Variants in RAP1GAP2 observed in about 807,000 individuals in gnomAD.
RAP1GAP2 encodes RAP1 GTPase activating protein 2, also known as rap1 GTPase-activating protein 2.
RAP1GAP2 carries 27 observed loss-of-function variants against 95.0 expected under a neutral mutation model. That is an observed-to-expected ratio of 0.28 (90% CI 0.21 to 0.39). The LOEUF (loss-of-function observed/expected upper bound fraction) is 0.39. Among genes scored for constraint, RAP1GAP2 ranks in the 10% least tolerant of loss-of-function variants. The pLI, the probability that RAP1GAP2 is intolerant of heterozygous loss-of-function variation, is 1.00. For synonymous variants in RAP1GAP2, 373 were observed against 380.9 expected (o/e 0.98, Z 0.24); for missense variants, 771 against 970.0 (o/e 0.79, Z 2.72).
At chr17:2,984,274 G>A (rs2045475042) in intron 10 of RAP1GAP2, among the ~76,000 whole-genome samples, 1 of 152,120 alleles carries the variant, frequency 6.6e-6, no homozygotes, top group Non-Finnish European at 1.5e-5. Flanking sequence ...CTTGAACCCG[G>A]GAGGCGGAGG....
At chr17:2,837,817 A>G (rs113865319) in intron 2 of RAP1GAP2, among the ~76,000 whole-genome samples, 23,624 of 151,376 alleles carry the variant, frequency 0.16, 2,002 homozygotes, top group Middle Eastern at 0.19. Flanking sequence ...CGTGTTAGCC[A>G]GGATGGTCTC....
chr17:2,981,327 C>A, intron 10 of RAP1GAP2, 79 bp downstream of exon 10: 4 of 1,347,974 alleles, frequency 3.0e-6, no homozygotes, highest in Non-Finnish European at 4.1e-6. Context: ...TTGGGGAGTT[C>A]TCTGCATCAT....
At chr17:2,782,486 C>G (rs764358770) in intron 1 of RAP1GAP2, among the ~76,000 whole-genome samples, 4 of 152,206 alleles carry the variant, frequency 2.6e-5, no homozygotes, top group Non-Finnish European at 4.4e-5. Context: ...TACCTTCATA[C>G]TCTTCCCCAG....
intron 2 of RAP1GAP2, among the ~76,000 whole-genome samples, chr17:2,892,499 G>A (rs1171722617): frequency 1.3e-5 from 2 of 152,142 alleles, no homozygotes; most frequent in African/African-American, 4.8e-5. Flanking sequence ...CACTGGGGCT[G>A]TATGTCCGGG....
intron 10 of RAP1GAP2, among the ~76,000 whole-genome samples, chr17:2,981,767 C>G (rs371830805): frequency 6.6e-6 from 1 of 152,170 alleles, no homozygotes; most frequent in East Asian, 1.9e-4. Flanking sequence ...TTGAATTGGC[C>G]TGATACTGAC....
At chr17:2,915,245 T>C (rs1434234652) in intron 3 of RAP1GAP2, among the ~76,000 whole-genome samples, 1 of 152,040 alleles carries the variant, frequency 6.6e-6, no homozygotes, top group African/African-American at 2.4e-5. Flanking sequence ...GTTTTTATTT[T>C]TTGGATACAA....
chr17:2,926,100 C>T (rs958837751), intron 3 of RAP1GAP2, among the ~76,000 whole-genome samples: 14 of 145,252 alleles, frequency 9.6e-5, no homozygotes, highest in South Asian at 2.2e-4. Flanking sequence ...AGATCATGCC[C>T]GGGCAACACA....
At chr17:2,793,256 C>T (rs1412620976), upstream of RAP1GAP2, among the ~76,000 whole-genome samples, 4 of 151,672 alleles carry the variant, frequency 2.6e-5, no homozygotes, top group African/African-American at 9.7e-5. Flanking sequence ...CAGGTTCAAG[C>T]GATTCTCCTG....
rs1273713650 is a variant in RAP1GAP2 at position 3,027,029 on chromosome 17, G to A, written c.2066G>A (p.Gly689Glu). The A allele has an allele frequency of 1.9e-6, 3 of 1,574,250 alleles. No individual in the cohort carries two copies. The highest frequency in any genetic ancestry group is 2.6e-6 in the Non-Finnish European group (3 of 1,160,310). ...PSPSSESPSLGAAATPIIMSR... is the reference protein window; with the variant it reads ...PSPSSESPSLEAAATPIIMSR... ...CCGAGCAGCGAGAGCCCCAGCCTGG[G>A]GGCAGCTGCCACCCCGATCATCATG... The change falls in exon 22 of 25, where the codon GGG (glycine) becomes GAG (glutamate). Residue 689 changes from glycine to glutamate, a missense_variant. Gly to Glu is a moderately conservative substitution (Grantham distance 98). Coordinates refer to ENST00000254695, the MANE Select transcript of RAP1GAP2 (RefSeq NM_015085.5). The surrounding 1 kb of genome is among the most constrained non-coding windows in gnomAD (Gnocchi z 5.2).
intron 2 of RAP1GAP2, among the ~76,000 whole-genome samples, chr17:2,839,846 C>T (rs2071293382): frequency 6.6e-6 from 1 of 152,132 alleles, no homozygotes; most frequent in South Asian, 2.1e-4. Context: ...GTTGCCCAGG[C>T]TGGAGTGCAA....
intron 22 of RAP1GAP2, among the ~76,000 whole-genome samples, chr17:3,028,508 G>T (rs2047196726): frequency 6.6e-6 from 1 of 152,250 alleles, no homozygotes; most frequent in East Asian, 1.9e-4. Flanking sequence ...CACAGGAAGG[G>T]CCAACAGGCC....
chr17:2,759,516 C>A (rs1008066344), intron 1 of RAP1GAP2, among the ~76,000 whole-genome samples: 1 of 152,022 alleles, frequency 6.6e-6, no homozygotes, highest in South Asian at 2.1e-4. Context: ...AATGGTACAA[C>A]CTCAGCTCAC....
At chr17:2,810,617 G>A (rs1320023150) in intron 2 of RAP1GAP2, among the ~76,000 whole-genome samples, 1 of 131,044 alleles carries the variant, frequency 7.6e-6, no homozygotes, top group African/African-American at 2.9e-5. Flanking sequence ...TGCAACCTCT[G>A]CCTCCCAGGT....
Position 2,927,320 on chromosome 17 carries a change from AT to A in RAP1GAP2, c.165+21958del, listed in dbSNP as rs1309902430. 9.2e-5 allele frequency among the ~76,000 whole-genome samples: 14 copies of A among 151,892 alleles called. 1 individual carries two copies. Among genetic ancestry groups the A allele is most frequent in the Middle Eastern group, 3.4e-3 (1 of 292 alleles). On this transcript the variant is annotated intron_variant, in intron 3 of 24. Coordinates refer to ENST00000254695, the MANE Select transcript of RAP1GAP2 (RefSeq NM_015085.5). Reference sequence around the variant, plus strand: ...AGGCACCCGCCACCGCGCCCGGCTAATTTTTTGTATTTTTAGTAGAGACGGG... The same window carrying A: ...AGGCACCCGCCACCGCGCCCGGCTAATTTTTGTATTTTTAGTAGAGACGGG...
chr17:2,873,305 CAAAA>C lies in RAP1GAP2; in HGVS notation c.81-31962_81-31959del, dbSNP rs377575894. On this transcript the variant is annotated intron_variant, in intron 2 of 24. Transcript: ENST00000254695. ...TGAAACCCTATCTCTACCAAAAATA[CAAAA>C]AAAAAAAAAAAAAAAATTAGCCGGT... is the stretch of plus-strand genomic sequence containing the variant. 1.9e-3 allele frequency among the ~76,000 whole-genome samples: 186 copies of C among 95,548 alleles called. 2 individuals are homozygous for C. The highest frequency in any genetic ancestry group is 6.2e-3 in the African/African-American group (153 of 24,520). 62.7% of individuals were successfully genotyped at this position (95,548 alleles called of 152,430 possible). A position where few individuals can be genotyped will look rare whatever the true frequency, so the allele number is the denominator to read the frequency against.
intron 8 of RAP1GAP2, among the ~76,000 whole-genome samples, chr17:2,977,965 A>G (rs2045199609): frequency 1.3e-5 from 2 of 152,082 alleles, no homozygotes. Context: ...GATGCCCAAA[A>G]TGTCAGATAG....
intron 1 of RAP1GAP2, among the ~76,000 whole-genome samples, chr17:2,756,170 T>A (rs570175214): frequency 2.4e-3 from 359 of 152,352 alleles, no homozygotes; most frequent in South Asian, 7.2e-3. Context: ...GGCAGGGCTC[T>A]GGACTTGGGC....
At chr17:2,879,441 C>T (rs28549997) in intron 2 of RAP1GAP2, among the ~76,000 whole-genome samples, 15 of 152,140 alleles carry the variant, frequency 9.9e-5, no homozygotes, top group Non-Finnish European at 5.9e-5. Context: ...CATTGAAAGT[C>T]CCTTGGCTGG....
At chr17:3,020,359 T>C in intron 18 of RAP1GAP2, 118 bp from the exon 19 acceptor site, 1 of 746,444 alleles carries the variant, frequency 1.3e-6, no homozygotes. Context: ...CTAGCTGTCT[T>C]GCTATTTTCT....
Sources: allele counts gnomAD v4.1 joint callset (sites outside exome capture counted in the v4.1 genomes callset), GRCh38; gene constraint gnomAD v4.1.1; non-coding constraint Gnocchi (gnomAD v3.1); transcripts MANE v1.5; gene names NCBI Gene and HGNC (gene_info 2026-07-23, HGNC 2026-07-21).